Variants in RIN3 observed in about 807,000 individuals in gnomAD.
RIN3 encodes RAB5 interacting protein 3.
In RIN3, 54 loss-of-function variants were observed where a neutral mutation model predicts 76.3. That is an observed-to-expected ratio of 0.71 (90% confidence interval 0.57 to 0.89). RIN3 has a LOEUF of 0.89. Ranked by LOEUF, RIN3 falls within the 40% of genes least tolerant of loss-of-function variation. RIN3 has a pLI of 0.00. For synonymous variants in RIN3, 576 were observed against 564.0 expected, an observed-to-expected ratio of 1.02 and a Z score of -0.30; for missense variants, 1,256 against 1,322.1, an observed-to-expected ratio of 0.95 and a Z score of 0.78.
chr14:92,576,113 A>G (rs987992478), intron 2 of RIN3: 8 of 745,118 alleles, frequency 1.1e-5, no homozygotes, highest in East Asian at 6.6e-5. Context: ...TCCTTCCCCT[A>G]TGGAGGGATG....
intron 4 of RIN3, among the ~76,000 whole-genome samples, chr14:92,638,704 A>T (rs984187629): frequency 2.6e-5 from 4 of 152,182 alleles, no homozygotes; most frequent in Non-Finnish European, 5.9e-5. Context: ...AGGGCCTGAG[A>T]TGGGAGTGCA....
In RIN3 at chr14:92,538,799, G is replaced by A. The variant is rs149891526; in HGVS notation, c.45-16952G>A. On this transcript the variant is annotated intron_variant, in intron 1 of 9. Transcript: ENST00000216487. Reference sequence around the variant, plus strand: ...TGTTTTAATTGTTTTCTGAGTAGGCGATATAGTCACACGGTTCAAATTCCA... The same window carrying A: ...TGTTTTAATTGTTTTCTGAGTAGGCAATATAGTCACACGGTTCAAATTCCA... Among the ~76,000 whole-genome samples the A allele has an allele frequency of 5.2e-3, 794 of 152,184 alleles. 5 individuals carry two copies. The highest frequency in any genetic ancestry group is 7.6e-3 in the Non-Finnish European group (519 of 68,010).
intron 2 of RIN3, among the ~76,000 whole-genome samples, chr14:92,556,602 G>A (rs180826949): frequency 3.6e-4 from 18 of 49,994 alleles, no homozygotes; most frequent in African/African-American, 8.1e-4. Flanking sequence ...ATGGATGGAC[G>A]TATGGACATA....
At chr14:92,571,863 A>G (rs1330221165) in intron 2 of RIN3, among the ~76,000 whole-genome samples, 2 of 152,234 alleles carry the variant, frequency 1.3e-5, no homozygotes, top group Non-Finnish European at 2.9e-5. Flanking sequence ...CGGGGCAGCC[A>G]CAGAGTCCCC....
intron 1 of RIN3, among the ~76,000 whole-genome samples, chr14:92,528,273 G>A (rs544588970): frequency 3.3e-5 from 5 of 152,112 alleles, no homozygotes; most frequent in African/African-American, 4.8e-5. Context: ...GATGGCCATC[G>A]TGGCTGAGTG....
In RIN3 at chr14:92,652,104, G is replaced by A. The variant is rs780298116; in HGVS notation, c.1055G>A (p.Gly352Asp). The A allele has an allele frequency of 3.7e-6, 6 of 1,606,294 alleles. No individual in the cohort carries two copies. The African/African-American group carries it at 5.4e-5, about 14-fold the overall frequency. Residue 352 changes from glycine to aspartate, a missense_variant, in exon 6 of 10, where the codon GGC becomes GAC. By Grantham distance (94) the Gly-to-Asp change is moderately conservative. Around this residue, in one of 3 missense-constraint regions of RIN3, gnomAD observed 610 missense variants for 626.4 expected, o/e 0.97. Coordinates refer to ENST00000216487, the MANE Select transcript of RIN3 (RefSeq NM_024832.5). The surrounding 1 kb of genome is among the most constrained non-coding windows in gnomAD (Gnocchi z 6.4). ...ERLPCPTAGL[G>D]PLREEAMKPG... Reference sequence around the variant, plus strand: ...CTCCCATGCCCCACTGCAGGCCTGGGCCCCCTCAGGGAGGAAGCGATGAAG... The same window carrying A: ...CTCCCATGCCCCACTGCAGGCCTGGACCCCCTCAGGGAGGAAGCGATGAAG...
intron 4 of RIN3, among the ~76,000 whole-genome samples, chr14:92,620,698 A>C (rs1197036209): frequency 1.3e-5 from 2 of 152,182 alleles, no homozygotes; most frequent in African/African-American, 4.8e-5. Context: ...AAAACAAATA[A>C]ACAGGAAACC....
chr14:92,529,112 T>C (rs1595391009), intron 1 of RIN3, among the ~76,000 whole-genome samples: 1 of 152,182 alleles, frequency 6.6e-6, no homozygotes, highest in East Asian at 1.9e-4. Context: ...GAGATAGGGT[T>C]CATATCCAGG....
chr14:92,569,595 T>C (rs1157850859), intron 2 of RIN3, among the ~76,000 whole-genome samples: 1 of 151,984 alleles, frequency 6.6e-6, no homozygotes, highest in East Asian at 1.9e-4. Flanking sequence ...TTTTTTTTTT[T>C]CTTTCTCTCT....
At chr14:92,670,393 G>A (rs1365797633) in intron 7 of RIN3, among the ~76,000 whole-genome samples, 1 of 152,200 alleles carries the variant, frequency 6.6e-6, no homozygotes, top group African/African-American at 2.4e-5. Flanking sequence ...GTCCACCCAA[G>A]ACAGATGTTC....
At chr14:92,523,173 C>T (rs542060783) in intron 1 of RIN3, among the ~76,000 whole-genome samples, 60 of 152,120 alleles carry the variant, frequency 3.9e-4, no homozygotes, top group Admixed American at 5.9e-4. Flanking sequence ...AGTGCAGTGG[C>T]GATCTTGGCT....
At chr14:92,536,745 A>AGG (rs1566831593) in intron 1 of RIN3, among the ~76,000 whole-genome samples, 28 of 145,284 alleles carry the variant, frequency 1.9e-4, no homozygotes, top group Non-Finnish European at 2.7e-4. Flanking sequence ...CGTCTCAGAA[A>AGG]AAAAAAAAAA....
intron 3 of RIN3, among the ~76,000 whole-genome samples, chr14:92,593,147 C>A (rs1380992240): frequency 1.3e-5 from 2 of 151,458 alleles, no homozygotes; most frequent in Non-Finnish European, 2.9e-5. Context: ...CTAGGACAAC[C>A]ACTAAAAAAA....
At chr14:92,563,414 G>A (rs1897832156) in intron 2 of RIN3, among the ~76,000 whole-genome samples, 1 of 152,032 alleles carries the variant, frequency 6.6e-6, no homozygotes, top group East Asian at 1.9e-4. Flanking sequence ...TCTGTTGTGA[G>A]ACCAGGGAAA....
At position 92,520,382 on chromosome 14, in the gene RIN3, G is replaced by A. The variant is rs1040677477; in HGVS notation, c.44+6406G>A. On this transcript the variant is annotated intron_variant, in intron 1 of 9. Transcript: ENST00000216487. ...GATTCCAGTAGAGGGGGGTGGGAGT[G>A]GGGCCTTTGAGCCCATCCTCGAGGG... Among the ~76,000 whole-genome samples, 3 of 152,318 alleles carry A rather than the reference G, an allele frequency of 2.0e-5. 1 individual carries two copies. Among genetic ancestry groups the A allele is most frequent in the Non-Finnish European group, 1.5e-5 (1 of 68,014 alleles).
At chr14:92,553,720 G>A (rs1018190491) in intron 1 of RIN3, among the ~76,000 whole-genome samples, 1 of 152,026 alleles carries the variant, frequency 6.6e-6, no homozygotes, top group African/African-American at 2.4e-5. Context: ...GATGTGGGAG[G>A]GAATTTTCTC....
intron 1 of RIN3, among the ~76,000 whole-genome samples, chr14:92,529,815 G>A (rs1053479765): frequency 6.6e-6 from 1 of 152,226 alleles, no homozygotes; most frequent in Non-Finnish European, 1.5e-5. Context: ...AGGCTGTGAT[G>A]TGCCTTACAG....
chr14:92,611,427 A>T (rs1451139369), intron 3 of RIN3, among the ~76,000 whole-genome samples: 1 of 151,856 alleles, frequency 6.6e-6, no homozygotes, highest in Non-Finnish European at 1.5e-5. Context: ...CTCCTGGCTA[A>T]TTTTTTTTAT....
rs55848136 is a variant in RIN3 at position 92,681,929 on chromosome 14, C to A, written c.2468-3058C>A. ...TGAGATGAAGTCTCACTCTGTCACC[C>A]AGGCTGCAGTGCAGTGGCCTGATCT... is the stretch of plus-strand genomic sequence containing the variant. On this transcript the variant is annotated intron_variant, in intron 8 of 9. Coordinates refer to ENST00000216487, the MANE Select transcript of RIN3 (RefSeq NM_024832.5). This position sits in a 1 kb window ranked among gnomAD's most constrained non-coding sequence, Gnocchi z 4.7. Among the ~76,000 whole-genome samples, 3,853 of 152,152 alleles carry A rather than the reference C, an allele frequency of 0.025. 80 individuals are homozygous for A. Among genetic ancestry groups the A allele is most frequent in the African/African-American group, 0.055 (2,292 of 41,486 alleles).
Sources: gnomAD v4.1 joint callset for allele counts (sites outside exome capture counted in the v4.1 genomes callset) on GRCh38, gnomAD v4.1.1 for gene constraint, gnomAD v4.1.1 regional missense constraint, Gnocchi (gnomAD v3.1) non-coding constraint, MANE v1.5 for transcripts, NCBI Gene and HGNC (gene_info 2026-07-23, HGNC 2026-07-21) for gene names.